ADH6: variants seen among roughly 807,000 people sequenced by gnomAD.
The protein encoded by ADH6 is alcohol dehydrogenase 6 (class V).
Under a neutral mutation model 36.5 loss-of-function variants are expected in ADH6, and 34 were observed. The observed-to-expected ratio is 0.93, with a 90% CI of 0.71 to 1.24. The LOEUF is 1.24. ADH6 is among the 50% of genes most tolerant of loss of function. ADH6 has a pLI of 0.00. For synonymous variants in ADH6, 161 were observed against 155.5 expected, an observed-to-expected ratio of 1.04 and a Z score of -0.26; for missense variants, 440 against 447.0, an observed-to-expected ratio of 0.98 and a Z score of 0.14.
chr4:99,214,832 G>T (rs28720140), intron 2 of ADH6, among the ~76,000 whole-genome samples: 20,475 of 152,206 alleles, frequency 0.13, 1,624 homozygotes, highest in Non-Finnish European at 0.18. Flanking sequence ...CCCAACTGTA[G>T]AAAGTGCTGT....
intron 7 of ADH6, among the ~76,000 whole-genome samples, chr4:99,207,049 GGATAA>G: frequency 6.6e-6 from 1 of 151,700 alleles, no homozygotes; most frequent in East Asian, 1.9e-4. Context: ...CATTTGTTTG[GGATAA>G]GATTTTACAT....
At chr4:99,217,226 C>T (rs779937819) in intron 1 of ADH6, among the ~76,000 whole-genome samples, 5 of 151,984 alleles carry the variant, frequency 3.3e-5, no homozygotes, top group African/African-American at 1.2e-4. Flanking sequence ...TTAGTAGAGA[C>T]GGGGTTTCAC....
rs555715279 is a variant in ADH6, at chr4:99,218,816, T to C, written c.18+319A>G. On this transcript the variant is annotated intron_variant, in intron 1 of 8. Coordinates refer to ENST00000394899, the MANE Select transcript of ADH6 (RefSeq NM_001102470.2). ...TGAGGCTCCCATTCTCTTTCTACTT[T>C]ACTATCCTTGTATATTGCTTTATAA... is the stretch of plus-strand genomic sequence containing the variant. Among the ~76,000 whole-genome samples, 3 of 152,364 alleles carry C rather than the reference T, an allele frequency of 2.0e-5. No individual in the cohort carries two copies. In the South Asian group the frequency reaches 6.2e-4, roughly 32 times the overall value.
intron 3 of ADH6, 83 bp from the exon 4 acceptor site, chr4:99,210,585 G>A: frequency 9.2e-7 from 1 of 1,086,002 alleles, no homozygotes; most frequent in East Asian, 2.5e-5. Flanking sequence ...TGACAGCAAG[G>A]CACCCAAGAA....
intron 3 of ADH6, among the ~76,000 whole-genome samples, chr4:99,211,342 C>T (rs566327928): frequency 1.3e-5 from 2 of 151,990 alleles, no homozygotes; most frequent in Non-Finnish European, 2.9e-5. Context: ...CTGGTTTGGG[C>T]CTAGCTTTTT....
At chr4:99,207,628 T>G in intron 6 of ADH6, 47 bp from the exon 7 acceptor site, 1 of 1,577,664 alleles carries the variant, frequency 6.3e-7, no homozygotes, top group Non-Finnish European at 8.7e-7. Flanking sequence ...AAGATGTATG[T>G]GAGGATTGAG....
chr4:99,211,083 A>C (rs1248730613), intron 3 of ADH6, among the ~76,000 whole-genome samples: 1 of 152,206 alleles, frequency 6.6e-6, no homozygotes. Context: ...TAACACTGTA[A>C]ACCAGAGAAA....
chr4:99,205,134 C>T, intron 7 of ADH6, 71 bp from the exon 8 acceptor site: 1 of 1,456,970 alleles, frequency 6.9e-7, no homozygotes. Flanking sequence ...TTCAAAGTAA[C>T]TGCTGAAGTT....
At chr4:99,217,086 A>G (rs1731462050) in intron 1 of ADH6, among the ~76,000 whole-genome samples, 1 of 152,076 alleles carries the variant, frequency 6.6e-6, no homozygotes, top group South Asian at 2.1e-4. Flanking sequence ...CCCAGGCTGG[A>G]GTGCAGTAGC....
intron 2 of ADH6, among the ~76,000 whole-genome samples, chr4:99,214,311 G>C (rs1731326231): frequency 1.3e-5 from 2 of 152,080 alleles, no homozygotes; most frequent in Admixed American, 6.6e-5. Context: ...AGGATCACTT[G>C]AGCCCAGTAG....
At chr4:99,211,955 A>G (rs1210308275) in intron 3 of ADH6, among the ~76,000 whole-genome samples, 1 of 152,148 alleles carries the variant, frequency 6.6e-6, no homozygotes, top group Non-Finnish European at 1.5e-5. Context: ...GGCTCCAGAT[A>G]AGGACCCAGC....
Position 99,208,868 on chromosome 4 carries a change from T to G in ADH6, c.628A>C (p.Met210Leu), listed in dbSNP as rs1237281827. 8 of 1,613,506 alleles carry G rather than the reference T, an allele frequency of 5.0e-6. No homozygotes were observed. The highest frequency in any genetic ancestry group is 6.8e-6 in the Non-Finnish European group (8 of 1,179,768). Residue 210 changes from methionine (M) to leucine (L), a missense_variant, in exon 6 of 9, where the codon ATG becomes CTG. By Grantham distance (15) the Met-to-Leu change is conservative. Coordinates refer to ENST00000394899, the MANE Select transcript of ADH6 (RefSeq NM_001102470.2). ...GLGGVGLSVV[M>L]GCKAAGAARI... Reference sequence around the variant, plus strand: ...GCTGCTCCTGCTGCTTTACAACCCATGACAACAGACAAGCCGACTCCTCCC... The same window carrying G: ...GCTGCTCCTGCTGCTTTACAACCCAGGACAACAGACAAGCCGACTCCTCCC...
intron 8 of ADH6, 44 bp from the exon 9 acceptor site, chr4:99,204,287 G>C: frequency 6.3e-7 from 1 of 1,591,130 alleles, no homozygotes; most frequent in Non-Finnish European, 8.5e-7. Context: ...CATTTTTAGA[G>C]CAACATTTGT....
intron 4 of ADH6, 55 bp downstream of exon 4, chr4:99,210,360 T>G: frequency 6.3e-7 from 1 of 1,595,844 alleles, no homozygotes; most frequent in Non-Finnish European, 8.6e-7. Context: ...AGCTTAGATC[T>G]TCTCCAATGA....
intron 3 of ADH6, among the ~76,000 whole-genome samples, chr4:99,211,325 A>G (rs1480013830): frequency 6.6e-6 from 1 of 152,146 alleles, no homozygotes; most frequent in Non-Finnish European, 1.5e-5. Context: ...TAAGCATGCT[A>G]TCTACCCTGG....
chr4:99,216,308 G>C, intron 1 of ADH6, 46 bp from the exon 2 acceptor site: 6 of 1,312,932 alleles, frequency 4.6e-6, no homozygotes, highest in Non-Finnish European at 6.3e-6. Context: ...CCTTAAGCTT[G>C]GGAGTTGGAA....
rs113127191 is a variant in ADH6 at position 99,218,533 on chromosome 4, C to T, written c.18+602G>A. Among the ~76,000 whole-genome samples the T allele has an allele frequency of 2.7e-3, 407 of 152,296 alleles. 1 individual carries two copies. The highest frequency in any genetic ancestry group is 7.8e-3 in the African/African-American group (325 of 41,554). On this transcript the variant is annotated intron_variant, in intron 1 of 8. Coordinates refer to ENST00000394899, the MANE Select transcript of ADH6 (RefSeq NM_001102470.2). Reference sequence around the variant, plus strand: ...TTGTTACCATTTGCTTACCTGGATCCGCTGACATCAGGATTTTCTCTCTGT... The same window carrying T: ...TTGTTACCATTTGCTTACCTGGATCTGCTGACATCAGGATTTTCTCTCTGT...
Position 99,204,954 on chromosome 4 carries a change from T to C in ADH6, c.1074A>G (p.Glu358=). The C allele has an allele frequency of 6.2e-7, 1 of 1,609,614 alleles. No homozygotes were observed. Among genetic ancestry groups the C allele is most frequent in the Non-Finnish European group, 8.5e-7 (1 of 1,178,360 alleles). The change falls in exon 8 of 9, where the codon GAA becomes GAG. Residue 358 remains glutamate, a synonymous_variant. Coordinates refer to ENST00000394899, the MANE Select transcript of ADH6 (RefSeq NM_001102470.2). ...THTLNLDKIN[E]AVELMKTGKC... is the part of the protein sequence containing the mutation. Reference sequence around the variant, plus strand: ...TTCCAGTTTTCATTAATTCAACTGCTTCATTGATTTTATCAAGATTCAGAG... The same window carrying C: ...TTCCAGTTTTCATTAATTCAACTGCCTCATTGATTTTATCAAGATTCAGAG...
intron 1 of ADH6, 57 bp downstream of exon 1, chr4:99,219,078 A>G (rs2110561836): frequency 6.4e-7 from 1 of 1,556,676 alleles, no homozygotes; most frequent in East Asian, 2.3e-5. Flanking sequence ...TGGTAAAGAG[A>G]TGAGCACACA....
Sources: allele counts gnomAD v4.1 joint callset (sites outside exome capture counted in the v4.1 genomes callset), GRCh38; gene constraint gnomAD v4.1.1; transcripts MANE v1.5; gene names NCBI Gene and HGNC (gene_info 2026-07-23, HGNC 2026-07-21).